DSCAML1: variants seen among roughly 807,000 people sequenced by gnomAD.
The protein encoded by DSCAML1 is DS cell adhesion molecule like 1.
A neutral mutation model predicts 200.5 loss-of-function variants in DSCAML1; 38 were observed. The ratio of observed to expected loss-of-function variants is 0.19; its 90% CI spans 0.15 to 0.25. DSCAML1 has a LOEUF of 0.25. Ranked by LOEUF, DSCAML1 falls within the 10% of genes least tolerant of loss-of-function variation. DSCAML1 has a pLI of 1.00. For missense variants in DSCAML1, 2,223 were observed against 2,858.8 expected (o/e 0.78, Z 5.07); for synonymous variants, 1,215 against 1,165.0 (o/e 1.04, Z -0.87).
intron 3 of DSCAML1, among the ~76,000 whole-genome samples, chr11:117,754,170 C>G (rs1173638833): frequency 6.6e-6 from 1 of 152,110 alleles, no homozygotes; most frequent in Admixed American, 6.5e-5. Context: ...TCAAAGACAC[C>G]CTGCCCCTGT....
At chr11:117,464,254 CAG>C (rs2048535527) in intron 17 of DSCAML1, among the ~76,000 whole-genome samples, 1 of 152,090 alleles carries the variant, frequency 6.6e-6, no homozygotes, top group Admixed American at 6.5e-5. Flanking sequence ...CTTTAGGGGA[CAG>C]AGGTCAGCCT....
At chr11:117,561,259 G>A (rs369583242) in intron 3 of DSCAML1, among the ~76,000 whole-genome samples, 2 of 152,354 alleles carry the variant, frequency 1.3e-5, no homozygotes, top group East Asian at 3.9e-4. Context: ...GCAGCCCAGG[G>A]CAGTGAGCAC....
At chr11:117,766,632 C>A (rs1013927673) in intron 3 of DSCAML1, among the ~76,000 whole-genome samples, 2 of 152,208 alleles carry the variant, frequency 1.3e-5, no homozygotes, top group Non-Finnish European at 2.9e-5. Context: ...CTGTGTCCAC[C>A]GCCAGGGTGT....
Position 117,428,694 on chromosome 11 carries a change from G to C in DSCAML1, c.5796C>G (p.Asn1932Lys). 1 of 1,613,172 alleles carries C rather than the reference G, an allele frequency of 6.2e-7. No homozygotes were observed. Among genetic ancestry groups the C allele is most frequent in the South Asian group, 1.1e-5 (1 of 90,736 alleles). The change falls in exon 33 of 33, where the codon AAC (asparagine) becomes AAG (lysine). Residue 1932 changes from asparagine to lysine, a missense_variant. Around this residue, in one of 7 missense-constraint regions of DSCAML1, gnomAD observed 280 missense variants for 213.4 expected, o/e 1.31. Coordinates refer to ENST00000651296, the MANE Select transcript of DSCAML1 (RefSeq NM_020693.4). ...VVPPREASIR[N>K]LARTYHTQAR... is the part of the protein sequence containing the mutation. The stretch of plus-strand genomic sequence containing the variant: ...CCTGGGTGTGGTAGGTTCGAGCCAG[G>C]TTCCGGATGGAGGCCTCACGGGGTG...
chr11:117,450,475 G>A (rs1482103796), intron 20 of DSCAML1, 74 bp downstream of exon 20: 4 of 1,554,282 alleles, frequency 2.6e-6, no homozygotes, highest in African/African-American at 2.7e-5. Context: ...GGTTTGGCCT[G>A]GAAGCCGGCT....
chr11:117,494,928 A>G (rs1349640496), intron 11 of DSCAML1, among the ~76,000 whole-genome samples: 3 of 152,218 alleles, frequency 2.0e-5, no homozygotes, highest in African/African-American at 4.8e-5. Context: ...TCAAGCGCAC[A>G]TGGGCCTGCC....
At chr11:117,484,774 G>C (rs532659907) in intron 11 of DSCAML1, among the ~76,000 whole-genome samples, 6 of 152,318 alleles carry the variant, frequency 3.9e-5, no homozygotes, top group African/African-American at 1.2e-4. Flanking sequence ...GGGGAGGCTC[G>C]TAAGCGGACT....
chr11:117,523,061 A>T (rs568769646), intron 5 of DSCAML1, among the ~76,000 whole-genome samples: 131 of 152,198 alleles, frequency 8.6e-4, no homozygotes, highest in African/African-American at 3.0e-3. Context: ...CTGTGAAGGG[A>T]TTATGTAGCT....
chr11:117,780,296 G>GAAAGAAAAAGA lies in DSCAML1; in HGVS notation c.364+196_364+197insTCTTTTTCTTT. 9.3e-6 allele frequency among the ~76,000 whole-genome samples: 1 copy of GAAAGAAAAAGA among 106,972 alleles called. No individual in the cohort carries two copies. The highest frequency in any genetic ancestry group is 3.1e-5 in the African/African-American group (1 of 32,556). 70.2% of individuals were successfully genotyped at this position (106,972 alleles called of 152,430 possible). On this transcript the variant is annotated intron_variant, in intron 2 of 32. Transcript: ENST00000651296. This position sits in a 1 kb window ranked among gnomAD's most constrained non-coding sequence, Gnocchi z 4.8. Reference sequence around the variant, plus strand: ...AGAAAGAAAGAAAGAAAGAAAGAAAGAAAGAAAGAGAGAAAGGAGAAAGAA... The same window carrying GAAAGAAAAAGA: ...AGAAAGAAAGAAAGAAAGAAAGAAAGAAAGAAAAAGAAAAGAAAGAGAGAAAGGAGAAAGAA...
intron 1 of DSCAML1, among the ~76,000 whole-genome samples, chr11:117,795,248 G>A (rs924153219): frequency 2.0e-5 from 3 of 152,184 alleles, no homozygotes; most frequent in Non-Finnish European, 4.4e-5. Context: ...GACAAAGCCG[G>A]GCTAGAGTGT....
At chr11:117,445,468 C>T (rs2048159109) in intron 20 of DSCAML1, among the ~76,000 whole-genome samples, 1 of 152,168 alleles carries the variant, frequency 6.6e-6, no homozygotes, top group Non-Finnish European at 1.5e-5. Context: ...GCTTCAACAC[C>T]CTCCTGCCCT....
chr11:117,596,117 A>G (rs1290276476), intron 3 of DSCAML1, among the ~76,000 whole-genome samples: 1 of 152,216 alleles, frequency 6.6e-6, no homozygotes, highest in Middle Eastern at 3.2e-3. Context: ...CTGAAGGCAA[A>G]TTTCACAGCC....
intron 3 of DSCAML1, among the ~76,000 whole-genome samples, chr11:117,620,642 G>C (rs997047677): frequency 4.6e-5 from 7 of 152,176 alleles, no homozygotes; most frequent in Admixed American, 4.6e-4. Context: ...AAATATCCTT[G>C]CTCCTATAAA....
At chr11:117,751,006 C>T (rs1162935847) in intron 3 of DSCAML1, among the ~76,000 whole-genome samples, 4 of 152,252 alleles carry the variant, frequency 2.6e-5, no homozygotes, top group African/African-American at 9.6e-5. Flanking sequence ...CTTACCCAGG[C>T]CTCGTGCTTT....
rs376578218 is a variant in DSCAML1 at position 117,505,756 on chromosome 11, C to A, written c.1784-24G>T. ...CACTGGGAAGGCAAGCGGGTGCTGC[C>A]GTCAGGACCCTGTGCATTCTCACCT... On this transcript the variant is annotated intron_variant, in intron 8 of 32. Coordinates refer to ENST00000651296, the MANE Select transcript of DSCAML1 (RefSeq NM_020693.4). This position sits in a 1 kb window ranked among gnomAD's most constrained non-coding sequence, Gnocchi z 6.7. 11 of 1,594,504 alleles carry A rather than the reference C, an allele frequency of 6.9e-6. No individual in the cohort carries two copies. Among genetic ancestry groups the A allele is most frequent in the Non-Finnish European group, 8.5e-6 (10 of 1,170,030 alleles).
chr11:117,714,752 G>A (rs2053917239), intron 3 of DSCAML1, among the ~76,000 whole-genome samples: 1 of 151,320 alleles, frequency 6.6e-6, no homozygotes, highest in African/African-American at 2.4e-5. Flanking sequence ...AACCTGGGAG[G>A]TGGAGGTCGC....
chr11:117,569,864 A>C (rs1281103991), intron 3 of DSCAML1, among the ~76,000 whole-genome samples: 2 of 152,186 alleles, frequency 1.3e-5, no homozygotes, highest in Admixed American at 1.3e-4. Flanking sequence ...AGGCAATCCC[A>C]GTGGAGGGCT....
At chr11:117,685,689 G>T (rs2053391170) in intron 3 of DSCAML1, among the ~76,000 whole-genome samples, 1 of 152,166 alleles carries the variant, frequency 6.6e-6, no homozygotes, top group South Asian at 2.1e-4. Flanking sequence ...CGTACCTCTG[G>T]GTGACTTCCA....
At chr11:117,635,730 G>A (rs1261100442) in intron 3 of DSCAML1, among the ~76,000 whole-genome samples, 1 of 152,120 alleles carries the variant, frequency 6.6e-6, no homozygotes, top group African/African-American at 2.4e-5. Flanking sequence ...CAGAGTTTAT[G>A]AGAAAGGAGA....
Sources: gnomAD v4.1 joint callset for allele counts (sites outside exome capture counted in the v4.1 genomes callset) on GRCh38, gnomAD v4.1.1 for gene constraint, gnomAD v4.1.1 regional missense constraint, Gnocchi (gnomAD v3.1) non-coding constraint, MANE v1.5 for transcripts, NCBI Gene and HGNC (gene_info 2026-07-23, HGNC 2026-07-21) for gene names.